SLIT2: variants seen among roughly 807,000 people sequenced by gnomAD.
SLIT2 encodes the protein slit guidance ligand 2.
A neutral mutation model predicts 185.7 loss-of-function variants in SLIT2; 41 were observed. That is an observed-to-expected ratio of 0.22 (90% CI 0.17 to 0.29). The LOEUF (loss-of-function observed/expected upper bound fraction) is 0.29, where lower values mean the gene tolerates loss of function less well. SLIT2 is among the 10% of genes least tolerant of loss of function. The pLI, the probability that SLIT2 is intolerant of heterozygous loss-of-function variation, is 1.00. For missense variants in SLIT2, 1,571 were observed against 1,909.0 expected (o/e 0.82, Z 3.30); for synonymous variants, 693 against 680.2 (o/e 1.02, Z -0.29).
intron 29 of SLIT2, among the ~76,000 whole-genome samples, chr4:20,579,315 A>T (rs530870057): frequency 3.3e-5 from 5 of 151,948 alleles, no homozygotes; most frequent in African/African-American, 1.2e-4. Flanking sequence ...AAAAAAAAAA[A>T]TAGCCCAGCC....
intron 4 of SLIT2, among the ~76,000 whole-genome samples, chr4:20,396,799 A>G (rs1194706457): frequency 6.7e-6 from 1 of 148,354 alleles, no homozygotes; most frequent in Non-Finnish European, 1.5e-5. Context: ...TTGTTCTCAT[A>G]TATATGAGAA....
chr4:20,550,332 T>C (rs920935102), intron 24 of SLIT2, among the ~76,000 whole-genome samples: 1 of 151,946 alleles, frequency 6.6e-6, no homozygotes, highest in African/African-American at 2.4e-5. Context: ...TTAATGTAGA[T>C]ATCTTTATGC....
chr4:20,570,749 A>G (rs1196477719), intron 29 of SLIT2, among the ~76,000 whole-genome samples: 3 of 145,046 alleles, frequency 2.1e-5, no homozygotes, highest in Admixed American at 7.0e-5. Flanking sequence ...ATATATATAT[A>G]TATATATATA....
chr4:20,428,534 C>A (rs1199818241), intron 4 of SLIT2, among the ~76,000 whole-genome samples: 1 of 152,110 alleles, frequency 6.6e-6, no homozygotes, highest in Non-Finnish European at 1.5e-5. Context: ...CCGAGATATA[C>A]TTATTATATA....
intron 4 of SLIT2, among the ~76,000 whole-genome samples, chr4:20,309,289 A>G (rs1717856383): frequency 6.6e-6 from 1 of 152,120 alleles, no homozygotes; most frequent in Non-Finnish European, 1.5e-5. Context: ...AACACCAATT[A>G]TAGCATTCTT....
At chr4:20,567,442 C>A in intron 27 of SLIT2, 56 bp downstream of exon 27, 1 of 1,610,738 alleles carries the variant, frequency 6.2e-7, no homozygotes, top group Non-Finnish European at 8.5e-7. Context: ...TCTTGGTGTG[C>A]CTTTATTATT....
intron 9 of SLIT2, among the ~76,000 whole-genome samples, chr4:20,501,575 C>T (rs574875277): frequency 6.6e-6 from 1 of 152,306 alleles, no homozygotes; most frequent in Non-Finnish European, 1.5e-5. Flanking sequence ...TGACTCACCA[C>T]ACCCGGCAGA....
In SLIT2 at chr4:20,619,377, G is replaced by A. The variant is rs1729924143; in HGVS notation, c.*368G>A. The A allele has an allele frequency of 6.2e-6, 1 of 161,848 alleles. No homozygotes were observed. The highest frequency in any genetic ancestry group is 1.3e-5 in the Non-Finnish European group (1 of 74,230). 10.0% of individuals were successfully genotyped at this position (161,848 alleles called of 1,614,324 possible). On this transcript the variant is annotated 3_prime_UTR_variant, in exon 37 of 37. Transcript: ENST00000504154. ...AAATTGCCCAGAGCATAAAACCTGT[G>A]TACCCTCCTTCACATCAACCAAGTT... is the stretch of plus-strand genomic sequence containing the variant.
chr4:20,282,813 T>A (rs529563387), intron 4 of SLIT2, among the ~76,000 whole-genome samples: 3 of 152,360 alleles, frequency 2.0e-5, no homozygotes, highest in African/African-American at 7.2e-5. Flanking sequence ...TTTTAGCTTT[T>A]CCAATGAATA....
intron 4 of SLIT2, among the ~76,000 whole-genome samples, chr4:20,453,266 G>A (rs1712676424): frequency 6.6e-6 from 1 of 151,834 alleles, no homozygotes; most frequent in South Asian, 2.1e-4. Flanking sequence ...ATGCTTACTG[G>A]GATTGTTTAA....
chr4:20,569,312 C>T (rs973557477), intron 29 of SLIT2: 6 of 327,924 alleles, frequency 1.8e-5, no homozygotes, highest in Non-Finnish European at 3.5e-5. Flanking sequence ...ACCATTTTCC[C>T]TGTGCAAACC....
chr4:20,490,446 G>GGT (rs150693491), intron 8 of SLIT2, among the ~76,000 whole-genome samples: 13,710 of 151,758 alleles, frequency 0.09, 688 homozygotes, highest in Middle Eastern at 0.15. Flanking sequence ...TATATGTGTG[G>GGT]GTGTGTGTGT....
intron 4 of SLIT2, among the ~76,000 whole-genome samples, chr4:20,396,350 G>A (rs1725887857): frequency 6.6e-6 from 1 of 151,756 alleles, no homozygotes; most frequent in Admixed American, 6.6e-5. Flanking sequence ...TAATCATATA[G>A]CTCATTAATG....
chr4:20,297,608 G>T (rs559541862), intron 4 of SLIT2, among the ~76,000 whole-genome samples: 8 of 152,252 alleles, frequency 5.3e-5, no homozygotes, highest in Non-Finnish European at 8.8e-5. Context: ...TAGGCTAACT[G>T]AAATAGGGTA....
At chr4:20,351,439 T>C (rs990440338) in intron 4 of SLIT2, among the ~76,000 whole-genome samples, 2 of 152,192 alleles carry the variant, frequency 1.3e-5, no homozygotes, top group Non-Finnish European at 2.9e-5. Context: ...AAAGTAACTC[T>C]TTTTCTATTG....
intron 4 of SLIT2, chr4:20,394,991 A>C (rs1323039363): frequency 3.9e-5 from 6 of 151,970 alleles, no homozygotes; most frequent in African/African-American, 1.4e-4. Context: ...TTGGACAGTA[A>C]GCCGTGATGA....
chr4:20,609,826 C>G (rs1003721871), intron 33 of SLIT2, among the ~76,000 whole-genome samples, 187 bp from the exon 34 acceptor site: 1 of 152,086 alleles, frequency 6.6e-6, no homozygotes, highest in African/African-American at 2.4e-5. Context: ...TCCTGAGAAA[C>G]TGAAATCAAT....
intron 29 of SLIT2, among the ~76,000 whole-genome samples, chr4:20,587,623 A>G (rs1437284475): frequency 1.3e-5 from 2 of 151,928 alleles, no homozygotes; most frequent in African/African-American, 4.8e-5. Flanking sequence ...ACAAGGGTCA[A>G]CTCTCAGTTT....
intron 24 of SLIT2, among the ~76,000 whole-genome samples, chr4:20,550,166 T>A (rs1387642730): frequency 1.3e-5 from 2 of 152,116 alleles, no homozygotes; most frequent in Admixed American, 6.6e-5. Context: ...ATATGACAGA[T>A]TCAAAGTTAT....
Sources: allele counts gnomAD v4.1 joint callset (sites outside exome capture counted in the v4.1 genomes callset), GRCh38; gene constraint gnomAD v4.1.1; transcripts MANE v1.5; gene names NCBI Gene and HGNC (gene_info 2026-07-23, HGNC 2026-07-21).